SBF2: variants seen among roughly 807,000 people sequenced by gnomAD.
SBF2 encodes the protein myotubularin-related protein 13.
In SBF2, 112 loss-of-function variants were observed where a neutral mutation model predicts 225.2. That is an observed-to-expected ratio of 0.50 (90% CI 0.43 to 0.58). The LOEUF is 0.58. SBF2 is among the 20% of genes least tolerant of loss of function. The pLI is 0.00. For synonymous variants in SBF2, 763 were observed against 773.3 expected (o/e 0.99, Z 0.22); for missense variants, 1,996 against 2,206.2 (o/e 0.90, Z 1.91).
At chr11:10,054,508 C>G (rs1293090333) in intron 2 of SBF2, among the ~76,000 whole-genome samples, 1 of 152,136 alleles carries the variant, frequency 6.6e-6, no homozygotes, top group African/African-American at 2.4e-5. Flanking sequence ...TTAAAAATTT[C>G]ATGACTAAGG....
chr11:10,241,522 G>C (rs1959218017), intron 1 of SBF2, among the ~76,000 whole-genome samples: 1 of 151,774 alleles, frequency 6.6e-6, no homozygotes, highest in African/African-American at 2.4e-5. Context: ...GCTAAAAGTT[G>C]GTTGTTAATT....
intron 2 of SBF2, among the ~76,000 whole-genome samples, chr11:10,130,951 T>C (rs1954017701): frequency 6.6e-6 from 1 of 152,184 alleles, no homozygotes; most frequent in African/African-American, 2.4e-5. Context: ...TTGTAGGACA[T>C]TTTGGTTGTT....
chr11:9,939,165 G>A lies in SBF2; in HGVS notation c.1860+22792C>T, dbSNP rs150655029. On this transcript the variant is annotated intron_variant, in intron 16 of 39. Transcript: ENST00000256190. ...GGCTGGAGTGCAGTGGTGCGATCTC[G>A]GCTCACTGCAACCTCTGCCTCCAAG... Among the ~76,000 whole-genome samples the A allele has an allele frequency of 1.6e-3, 236 of 152,024 alleles. 5 individuals carry two copies. Among genetic ancestry groups the A allele is most frequent in the African/African-American group, 5.2e-3 (214 of 41,450 alleles).
chr11:10,166,520 T>C (rs969222487), intron 2 of SBF2, among the ~76,000 whole-genome samples: 4 of 152,056 alleles, frequency 2.6e-5, no homozygotes, highest in Admixed American at 2.0e-4. Context: ...ATCTTGTTTA[T>C]ATACTTCTAT....
At chr11:9,914,184 G>A (rs1862881773) in intron 16 of SBF2, among the ~76,000 whole-genome samples, 1 of 152,172 alleles carries the variant, frequency 6.6e-6, no homozygotes, top group African/African-American at 2.4e-5. Context: ...TAATATGCTA[G>A]GGGCTCCACT....
intron 2 of SBF2, among the ~76,000 whole-genome samples, chr11:10,060,376 A>C (rs902994021): frequency 6.6e-6 from 1 of 152,194 alleles, no homozygotes; most frequent in Admixed American, 6.5e-5. Context: ...TCCGAAACTG[A>C]ATCAGTAATA....
intron 24 of SBF2, among the ~76,000 whole-genome samples, chr11:9,843,515 C>T (rs1251195580): frequency 6.6e-6 from 1 of 152,170 alleles, no homozygotes; most frequent in East Asian, 1.9e-4. Flanking sequence ...GAGAATTAAA[C>T]AGAGAACCTA....
At chr11:10,285,038 G>C (rs1299594633) in intron 1 of SBF2, among the ~76,000 whole-genome samples, 1 of 152,124 alleles carries the variant, frequency 6.6e-6, no homozygotes, top group Non-Finnish European at 1.5e-5. Flanking sequence ...TGGCCAGTGA[G>C]GTGACTCACG....
intron 19 of SBF2, among the ~76,000 whole-genome samples, chr11:9,855,456 C>A (rs1410571268): frequency 6.6e-6 from 1 of 152,136 alleles, no homozygotes; most frequent in African/African-American, 2.4e-5. Flanking sequence ...CCTGAAGGAG[C>A]ATGAGGAGAA....
At chr11:9,917,096 T>C (rs1033719371) in intron 16 of SBF2, among the ~76,000 whole-genome samples, 7 of 151,720 alleles carry the variant, frequency 4.6e-5, no homozygotes, top group African/African-American at 1.5e-4. Context: ...CATTTCAATA[T>C]GAAAGATCTA....
chr11:10,245,343 C>T (rs541453897), intron 1 of SBF2, among the ~76,000 whole-genome samples: 8 of 151,892 alleles, frequency 5.3e-5, no homozygotes, highest in Non-Finnish European at 1.2e-4. Context: ...TCCAGGAGTT[C>T]CAGACTATAG....
chr11:10,004,305 C>A (rs66803065), intron 6 of SBF2, among the ~76,000 whole-genome samples: 28,169 of 151,790 alleles, frequency 0.19, 2,821 homozygotes, highest in Middle Eastern at 0.26. Flanking sequence ...ATTCTTTTGG[C>A]TTTAACATGA....
chr11:9,919,862 G>A (rs1382919792), intron 16 of SBF2, among the ~76,000 whole-genome samples: 2 of 152,056 alleles, frequency 1.3e-5, no homozygotes, highest in Non-Finnish European at 1.5e-5. Flanking sequence ...CTCTCAAGAA[G>A]CTGAGATTAC....
chr11:10,253,591 G>A (rs1315126757), intron 1 of SBF2, among the ~76,000 whole-genome samples: 11 of 152,108 alleles, frequency 7.2e-5, no homozygotes, highest in Non-Finnish European at 2.9e-5. Context: ...TTACTTTTGG[G>A]AAGTCTGCAT....
chr11:9,787,423 T>C (rs1306821937), intron 36 of SBF2, among the ~76,000 whole-genome samples: 1 of 152,108 alleles, frequency 6.6e-6, no homozygotes, highest in African/African-American at 2.4e-5. Context: ...GACATAAGTA[T>C]TATGTCACTG....
chr11:9,869,424 T>C (rs1858526606), intron 17 of SBF2, among the ~76,000 whole-genome samples: 1 of 152,116 alleles, frequency 6.6e-6, no homozygotes, highest in South Asian at 2.1e-4. Context: ...GTTCAAGTGG[T>C]TCTCGTGCCT....
intron 14 of SBF2, among the ~76,000 whole-genome samples, chr11:9,965,080 T>C (rs891372866): frequency 1.3e-5 from 2 of 152,148 alleles, no homozygotes; most frequent in African/African-American, 4.8e-5. Flanking sequence ...GATGTCCATG[T>C]GTACACATTA....
intron 2 of SBF2, among the ~76,000 whole-genome samples, chr11:10,172,373 G>T (rs1198612149): frequency 6.6e-6 from 1 of 151,424 alleles, no homozygotes; most frequent in Non-Finnish European, 1.5e-5. Flanking sequence ...TTTTTTTTGA[G>T]AAGGAGTCTT....
Position 9,856,692 on chromosome 11 carries a change from T to C in SBF2, c.2129A>G (p.Glu710Gly), listed in dbSNP as rs745485059. ...AGCTGCCAGGTCCATTGCTGTCTTCTCCTGATAATGGTCATCAGGAAGCTT... is the reference window on the plus strand; with the variant it reads ...AGCTGCCAGGTCCATTGCTGTCTTCCCCTGATAATGGTCATCAGGAAGCTT... The part of the protein sequence containing the change: ...KDKLPDDHYQ[E>G]KTAMDLAAEQ... Residue 710 changes from glutamate (E) to glycine (G), a missense_variant, in exon 19 of 40, where the codon GAG (glutamate) becomes GGG (glycine). Glu to Gly is a moderately conservative substitution (Grantham distance 98, BLOSUM62 -2). Coordinates refer to ENST00000256190, the MANE Select transcript of SBF2 (RefSeq NM_030962.4). 2 of 1,613,826 alleles carry C rather than the reference T, an allele frequency of 1.2e-6. No homozygotes were observed. Among genetic ancestry groups the C allele is most frequent in the Admixed American group, 1.7e-5 (1 of 59,984 alleles).
Sources: gnomAD v4.1 joint callset for allele counts (sites outside exome capture counted in the v4.1 genomes callset) on GRCh38, gnomAD v4.1.1 for gene constraint, MANE v1.5 for transcripts, NCBI Gene and HGNC (gene_info 2026-07-23, HGNC 2026-07-21) for gene names.